The following AQP9 variants were observed in gnomAD, a reference collection of about 807,000 sequenced individuals.
AQP9 encodes aquaporin 9, also known as aquaporin-9.
A neutral mutation model predicts 23.8 loss-of-function variants in AQP9; 19 were observed. The ratio of observed to expected loss-of-function variants is 0.80; its 90% CI spans 0.56 to 1.17. The LOEUF is 1.17. Among genes scored for constraint, AQP9 ranks in the 50% most tolerant of loss-of-function variants. The probability of loss-of-function intolerance (pLI) is 0.00; values close to 1 mark genes in which losing one functional copy is unlikely to be tolerated. For synonymous variants in AQP9, 153 were observed against 131.5 expected (o/e 1.16, Z -1.12); for missense variants, 413 against 362.0 (o/e 1.14, Z -1.14).
chr15:58,141,340 G>A (rs1416407683), intron 1 of AQP9, among the ~76,000 whole-genome samples: 1 of 152,180 alleles, frequency 6.6e-6, no homozygotes, highest in Non-Finnish European at 1.5e-5. Flanking sequence ...CTCCTGAGGT[G>A]GAAGGACAGC....
At chr15:58,139,126 G>C (rs1897910143) in intron 1 of AQP9, among the ~76,000 whole-genome samples, 1 of 152,148 alleles carries the variant, frequency 6.6e-6, no homozygotes, top group South Asian at 2.1e-4. Context: ...AAACATCTCA[G>C]TATGACAAGT....
chr15:58,156,889 C>T lies in AQP9; in HGVS notation c.112-9784C>T, dbSNP rs971953007. Among the ~76,000 whole-genome samples the T allele has an allele frequency of 4.6e-5, 7 of 152,224 alleles. No individual in the cohort carries two copies. The East Asian group carries it at 7.7e-4, about 17-fold the overall frequency. ...AGGCTTAAGTTATTGCTATCAGGTG[C>T]GCTTACCCTACATATGTCCTCAGGA... On this transcript the variant is annotated intron_variant, in intron 1 of 5. Transcript: ENST00000219919.
intron 2 of AQP9, among the ~76,000 whole-genome samples, chr15:58,167,569 T>C (rs1898536444): frequency 6.6e-6 from 1 of 152,098 alleles, no homozygotes; most frequent in Non-Finnish European, 1.5e-5. Context: ...GGTATTACTG[T>C]CTCCATTCTA....
chr15:58,170,394 A>G (rs1898593949), intron 2 of AQP9, among the ~76,000 whole-genome samples: 1 of 151,256 alleles, frequency 6.6e-6, no homozygotes, highest in African/African-American at 2.4e-5. Context: ...ATAAGGCCTC[A>G]GATTATTTCT....
At chr15:58,159,239 A>G (rs1898323217) in intron 1 of AQP9, among the ~76,000 whole-genome samples, 1 of 151,356 alleles carries the variant, frequency 6.6e-6, no homozygotes, top group South Asian at 2.1e-4. Flanking sequence ...TAGAAATTAT[A>G]CCTCCCACTT....
At chr15:58,142,477 A>C (rs1204711025) in intron 1 of AQP9, among the ~76,000 whole-genome samples, 2 of 152,166 alleles carry the variant, frequency 1.3e-5, no homozygotes, top group Non-Finnish European at 2.9e-5. Context: ...TGGTGGGGAT[A>C]TTTTACAGGA....
chr15:58,153,543 C>T (rs1423381133), intron 1 of AQP9: 1 of 152,168 alleles, frequency 6.6e-6, no homozygotes, highest in East Asian at 1.9e-4. Context: ...ATAATAGTCA[C>T]AATTGGTATT....
intron 1 of AQP9, among the ~76,000 whole-genome samples, chr15:58,162,781 G>A (rs7179531): frequency 0.16 from 23,691 of 152,110 alleles, 1,925 homozygotes; most frequent in Non-Finnish European, 0.17. Context: ...AACATCAACC[G>A]TGAGATGCAT....
chr15:58,156,576 G>A (rs574338964), intron 1 of AQP9, among the ~76,000 whole-genome samples: 2 of 152,242 alleles, frequency 1.3e-5, no homozygotes, highest in South Asian at 2.1e-4. Flanking sequence ...ACATAACCTC[G>A]CAGCCCAGTA....
intron 2 of AQP9, among the ~76,000 whole-genome samples, chr15:58,168,791 C>T (rs372191976): frequency 3.4e-4 from 51 of 152,200 alleles, no homozygotes; most frequent in African/African-American, 1.1e-3. Context: ...AACCAGGGGA[C>T]TGCCCTAAAT....
intron 1 of AQP9, among the ~76,000 whole-genome samples, chr15:58,154,711 A>G (rs1898214656): frequency 1.3e-5 from 2 of 152,038 alleles, no homozygotes; most frequent in Non-Finnish European, 2.9e-5. Context: ...ATACCACCCA[A>G]ATAAATTAAA....
chr15:58,166,650 G>A, intron 1 of AQP9, 23 bp from the exon 2 acceptor site: 1 of 1,598,014 alleles, frequency 6.3e-7, no homozygotes, highest in Non-Finnish European at 8.5e-7. Flanking sequence ...CCACTTACCT[G>A]TTGAGTTTTC....
rs567589476 is a variant in AQP9 at position 58,161,090 on chromosome 15, G to A, written c.112-5583G>A. On this transcript the variant is annotated intron_variant, in intron 1 of 5. Transcript: ENST00000219919. ...GCTGACATTTCCTGAGCAATGGGGA[G>A]GTGGTGTGTGGTGCTTCATCTGGCA... Among the ~76,000 whole-genome samples the A allele has an allele frequency of 2.6e-5, 4 of 152,256 alleles. No homozygotes were observed. The East Asian group carries it at 7.7e-4, about 29-fold the overall frequency.
rs756701727 is a variant in AQP9, at chr15:58,166,835, C to T, written c.238+36C>T. ...GAAATAATGAATGCTGCTCTTAATT[C>T]AGCCACTCCAATGTGCCCGCACAGT... On this transcript the variant is annotated intron_variant, in intron 2 of 5. Coordinates refer to ENST00000219919, the MANE Select transcript of AQP9 (RefSeq NM_020980.5). 1.1e-5 allele frequency: 17 copies of T among 1,607,932 alleles called. No individual in the cohort carries two copies. In the East Asian group the frequency reaches 2.2e-4, roughly 21 times the overall value.
intron 1 of AQP9, among the ~76,000 whole-genome samples, chr15:58,164,540 A>G (rs1566986512): frequency 6.6e-6 from 1 of 152,236 alleles, no homozygotes; most frequent in Non-Finnish European, 1.5e-5. Flanking sequence ...AGGATTCTAG[A>G]AAAAATAATG....
chr15:58,157,676 G>C (rs1185491691), intron 1 of AQP9, among the ~76,000 whole-genome samples: 3 of 152,192 alleles, frequency 2.0e-5, no homozygotes, highest in Admixed American at 2.0e-4. Flanking sequence ...GAGGAGAGGA[G>C]TGTGTGAGAG....
intron 1 of AQP9, chr15:58,152,674 C>G (rs1898173549): frequency 6.6e-6 from 1 of 152,108 alleles, no homozygotes; most frequent in African/African-American, 2.4e-5. Context: ...ACTACCTTAG[C>G]CAACCCCTGC....
chr15:58,146,662 G>A (rs1180411539), intron 1 of AQP9: 1 of 152,094 alleles, frequency 6.6e-6, no homozygotes, highest in Non-Finnish European at 1.5e-5. Flanking sequence ...ATTCTTCAGG[G>A]AGATTTATTT....
At chr15:58,148,607 A>T (rs564199600) in intron 1 of AQP9, among the ~76,000 whole-genome samples, 1 of 152,324 alleles carries the variant, frequency 6.6e-6, no homozygotes, top group South Asian at 2.1e-4. Context: ...AGTCACAGTT[A>T]TCCTGATGCA....
Sources: gnomAD v4.1 joint callset for allele counts (sites outside exome capture counted in the v4.1 genomes callset) on GRCh38, gnomAD v4.1.1 for gene constraint, MANE v1.5 for transcripts, NCBI Gene and HGNC (gene_info 2026-07-23, HGNC 2026-07-21) for gene names.